The following LIPK variants were observed in gnomAD, a reference collection of about 807,000 sequenced individuals.
LIPK encodes the protein lipase member K.
Under a neutral mutation model 48.6 loss-of-function variants are expected in LIPK, and 32 were observed. That is an observed-to-expected ratio of 0.66 (90% CI 0.50 to 0.88). The LOEUF (loss-of-function observed/expected upper bound fraction) is 0.88. Ranked by LOEUF, LIPK falls within the 40% of genes least tolerant of loss-of-function variation. The pLI is 0.00. For missense variants in LIPK, 507 were observed against 478.5 expected, an observed-to-expected ratio of 1.06 and a Z score of -0.56; for synonymous variants, 164 against 157.4, an observed-to-expected ratio of 1.04 and a Z score of -0.32.
intron 9 of LIPK, 35 bp from the exon 10 acceptor site, chr10:88,752,482 T>TA: frequency 6.8e-7 from 1 of 1,469,202 alleles, no homozygotes; most frequent in Non-Finnish European, 9.3e-7. Context: ...TAATATTCTG[T>TA]AAAAACTTTT....
chr10:88,712,473 T>C (rs188249183), intron 1 of LIPK, among the ~76,000 whole-genome samples: 1 of 152,318 alleles, frequency 6.6e-6, no homozygotes, highest in East Asian at 1.9e-4. Context: ...GGACCTAACA[T>C]TTACCTGTTA....
Position 88,731,192 on chromosome 10 carries a change from A to G in LIPK, c.422+11A>G. 6.6e-7 allele frequency: 1 copy of G among 1,515,714 alleles called. No individual in the cohort carries two copies. Among genetic ancestry groups the G allele is most frequent in the Non-Finnish European group, 8.8e-7 (1 of 1,134,164 alleles). The allele number at this position is 1,515,714 out of a possible 1,614,324, so 93.9% of individuals were successfully genotyped here. Reference sequence around the variant, plus strand: ...ATACTGGGCCTTCAGGTAAAGAGAAACCTATTAATGAATAAAATGTGTACT... The same window carrying G: ...ATACTGGGCCTTCAGGTAAAGAGAAGCCTATTAATGAATAAAATGTGTACT... On this transcript the variant is annotated intron_variant, in intron 4 of 9. Transcript: ENST00000404190.
At chr10:88,745,389 C>A (rs1443720736) in intron 9 of LIPK, among the ~76,000 whole-genome samples, 2 of 152,102 alleles carry the variant, frequency 1.3e-5, no homozygotes, top group Non-Finnish European at 2.9e-5. Context: ...AGAGAAGGGG[C>A]AGTTCACCAA....
chr10:88,736,951 C>G (rs1031030999), intron 6 of LIPK, among the ~76,000 whole-genome samples: 1 of 152,082 alleles, frequency 6.6e-6, no homozygotes, highest in Non-Finnish European at 1.5e-5. Context: ...TGTCTTTTTA[C>G]CTTTATATCT....
intron 1 of LIPK, among the ~76,000 whole-genome samples, chr10:88,711,561 C>T (rs1016850413): frequency 1.5e-4 from 23 of 152,186 alleles, no homozygotes; most frequent in African/African-American, 5.5e-4. Context: ...CAACCTCCAC[C>T]TCCTGGGTTC....
intron 3 of LIPK, among the ~76,000 whole-genome samples, chr10:88,729,749 G>A (rs1842427527): frequency 6.6e-6 from 1 of 152,202 alleles, no homozygotes; most frequent in Middle Eastern, 3.4e-3. Context: ...AATGGACATA[G>A]ACTCTTAGTT....
chr10:88,710,107 T>G (rs186226), intron 1 of LIPK, among the ~76,000 whole-genome samples: 118,702 of 151,586 alleles, frequency 0.78, 47,425 homozygotes, highest in East Asian at 0.99. Context: ...TAAAATAATT[T>G]AATGGACTTA....
intron 1 of LIPK, among the ~76,000 whole-genome samples, chr10:88,707,522 A>ATG (rs1422603367): frequency 2.0e-5 from 3 of 152,098 alleles, no homozygotes; most frequent in Admixed American, 6.6e-5. Flanking sequence ...GTGAAATATA[A>ATG]TGCTCTTTAA....
At position 88,737,628 on chromosome 10, in the gene LIPK, CT is replaced by C. The variant is rs752652594; in HGVS notation, c.670-5del. On this transcript the variant is annotated splice_region_variant and splice_polypyrimidine_tract_variant and intron_variant, in intron 6 of 9. Transcript: ENST00000404190. ...AAGATTTGATGGTGTTTTAAATTAT[CT>C]TGTAGGTGTTGTTTGGTGACAAAAT... 6.2e-7 allele frequency: 1 copy of C among 1,612,894 alleles called. No homozygotes were observed. The highest frequency in any genetic ancestry group is 1.7e-5 in the Admixed American group (1 of 59,868).
In LIPK at chr10:88,732,485, T is replaced by C; in HGVS notation, c.603T>C (p.Val201=). The change falls in exon 6 of 10, where the codon GTT becomes GTC. Residue 201 remains valine (V), a synonymous_variant. Coordinates refer to ENST00000404190, the MANE Select transcript of LIPK (RefSeq NM_001080518.2). The stretch of plus-strand genomic sequence containing the variant: ...AGATATTTTTTGCACTGGCTCCAGT[T>C]GTCACAGTTAAATACACCCAAAGTC... ...KIKIFFALAP[V]VTVKYTQSPM... 1 of 1,613,902 alleles carries C rather than the reference T, an allele frequency of 6.2e-7. No individual in the cohort carries two copies. The highest frequency in any genetic ancestry group is 1.1e-5 in the South Asian group (1 of 91,050).
chr10:88,747,210 T>C (rs1018304962), intron 9 of LIPK, among the ~76,000 whole-genome samples: 6 of 152,190 alleles, frequency 3.9e-5, no homozygotes, highest in African/African-American at 7.2e-5. Flanking sequence ...GCCAATCTTA[T>C]TGAAATAATT....
intron 8 of LIPK, among the ~76,000 whole-genome samples, chr10:88,740,920 A>G (rs772914570): frequency 6.6e-6 from 1 of 152,268 alleles, no homozygotes; most frequent in Non-Finnish European, 1.5e-5. Flanking sequence ...GATTTCCAAA[A>G]TACTTGGAAG....
intron 8 of LIPK, among the ~76,000 whole-genome samples, chr10:88,742,999 A>C (rs113727399): frequency 0.023 from 3,504 of 152,324 alleles, 65 homozygotes; most frequent in Non-Finnish European, 0.032. Context: ...ATTTAAAGGC[A>C]TTGGATTTAA....
chr10:88,738,128 G>T (rs866456930), intron 7 of LIPK, among the ~76,000 whole-genome samples: 2 of 152,220 alleles, frequency 1.3e-5, no homozygotes, highest in Middle Eastern at 3.4e-3. Flanking sequence ...ATTTTTATTT[G>T]TTTACCAATT....
chr10:88,738,314 C>T (rs908211868), intron 7 of LIPK, among the ~76,000 whole-genome samples: 1 of 152,206 alleles, frequency 6.6e-6, no homozygotes, highest in Non-Finnish European at 1.5e-5. Flanking sequence ...AACTGAGATC[C>T]TTTCCATGAT....
intron 1 of LIPK, among the ~76,000 whole-genome samples, chr10:88,721,666 C>A (rs754244334): frequency 2.6e-5 from 4 of 152,192 alleles, no homozygotes; most frequent in African/African-American, 9.6e-5. Flanking sequence ...TCTTCCCCTG[C>A]AACATTACAA....
At chr10:88,729,254 G>GGT (rs1554955623) in intron 3 of LIPK, among the ~76,000 whole-genome samples, 1 of 80,830 alleles carries the variant, frequency 1.2e-5, no homozygotes, top group African/African-American at 3.3e-5. Flanking sequence ...CTATCTGTTG[G>GGT]GGGGGGGGGG....
At chr10:88,733,373 G>T (rs573770845) in intron 6 of LIPK, among the ~76,000 whole-genome samples, 11 of 152,294 alleles carry the variant, frequency 7.2e-5, no homozygotes, top group Middle Eastern at 3.4e-3. Context: ...TAACTCCCAT[G>T]GTGGTGATTG....
chr10:88,720,548 A>T (rs892020182), intron 1 of LIPK, among the ~76,000 whole-genome samples: 1 of 152,182 alleles, frequency 6.6e-6, no homozygotes, highest in Non-Finnish European at 1.5e-5. Context: ...ACGGCAGAAA[A>T]GTAGGTTAAA....
Sources: allele counts gnomAD v4.1 joint callset (sites outside exome capture counted in the v4.1 genomes callset), GRCh38; gene constraint gnomAD v4.1.1; transcripts MANE v1.5; gene names NCBI Gene and HGNC (gene_info 2026-07-23, HGNC 2026-07-21).